POLR1E: variants seen among roughly 807,000 people sequenced by gnomAD.
POLR1E encodes RNA polymerase I subunit E, also known as DNA-directed RNA polymerase I subunit RPA49.
Under a neutral mutation model 50.9 loss-of-function variants are expected in POLR1E, and 37 were observed. The observed-to-expected ratio is 0.73, with a 90% confidence interval of 0.56 to 0.96. The LOEUF (loss-of-function observed/expected upper bound fraction) is 0.96. Ranked by LOEUF, POLR1E falls within the 40% of genes least tolerant of loss-of-function variation. POLR1E has a pLI of 0.00. For synonymous variants in POLR1E, 166 were observed against 191.6 expected (o/e 0.87, Z 1.10); for missense variants, 426 against 518.1 (o/e 0.82, Z 1.73).
At chr9:37,502,083 C>G (rs1820901583) in intron 11 of POLR1E, among the ~76,000 whole-genome samples, 1 of 152,168 alleles carries the variant, frequency 6.6e-6, no homozygotes, top group African/African-American at 2.4e-5. Context: ...CCCTAGAAAA[C>G]AATTGAAGAA....
At chr9:37,495,615 A>G (rs1283756982) in intron 7 of POLR1E, among the ~76,000 whole-genome samples, 1 of 152,160 alleles carries the variant, frequency 6.6e-6, no homozygotes, top group Non-Finnish European at 1.5e-5. Flanking sequence ...GAAGGGTTGG[A>G]GCTTAGAATT....
chr9:37,502,849 A>T (rs1224227386), intron 11 of POLR1E, among the ~76,000 whole-genome samples, 194 bp from the exon 12 acceptor site: 1 of 152,160 alleles, frequency 6.6e-6, no homozygotes, highest in Non-Finnish European at 1.5e-5. Context: ...TTAAAATGAA[A>T]TTGGCTGTCT....
Position 37,493,600 on chromosome 9 carries a change from G to A in POLR1E, c.444G>A (p.Lys148=). The A allele has an allele frequency of 6.2e-7, 1 of 1,610,352 alleles. No individual in the cohort carries two copies. The highest frequency in any genetic ancestry group is 8.5e-7 in the Non-Finnish European group (1 of 1,178,032). Reference sequence around the variant, plus strand: ...AAGCCTTTGGTACCACCAAACAGAAGCGAGCTCTGAACACCAGGAGAATGA... The same window carrying A: ...AAGCCTTTGGTACCACCAAACAGAAACGAGCTCTGAACACCAGGAGAATGA... ...CIEAFGTTKQ[K]RALNTRRMNR... Residue 148 remains lysine (K), a synonymous_variant, in exon 6 of 12, where the codon AAG becomes AAA. Coordinates refer to ENST00000377798, the MANE Select transcript of POLR1E (RefSeq NM_022490.4).
intron 9 of POLR1E, 78 bp from the exon 10 acceptor site, chr9:37,500,762 C>T: frequency 8.4e-7 from 1 of 1,185,392 alleles, no homozygotes; most frequent in Admixed American, 1.8e-5. Context: ...CAGCTGTTGG[C>T]CTTTTCTCTT....
In POLR1E at chr9:37,503,445, G is replaced by C. The variant is rs140462678; in HGVS notation, c.*243G>C. On this transcript the variant is annotated 3_prime_UTR_variant, in exon 12 of 12. Coordinates refer to ENST00000377798, the MANE Select transcript of POLR1E (RefSeq NM_022490.4). ...AAAAAAAAAAGAGTCAGGCCTGGTG[G>C]TGTGCGCCTGTAATCCCAGCTACTC... The C allele has an allele frequency of 2.4e-3, 792 of 335,084 alleles. 12 individuals are homozygous for C. The East Asian group carries it at 0.04, about 17-fold the overall frequency. 20.8% of individuals were successfully genotyped at this position (335,084 alleles called of 1,614,324 possible).
intron 3 of POLR1E, 33 bp downstream of exon 3, chr9:37,487,972 G>A (rs1338574860): frequency 1.9e-6 from 3 of 1,607,108 alleles, no homozygotes; most frequent in African/African-American, 1.3e-5. Flanking sequence ...TGGGAAGGGT[G>A]ATGGGGTTGG....
chr9:37,486,928 A>G, intron 2 of POLR1E, 122 bp downstream of exon 2: 1 of 1,139,372 alleles, frequency 8.8e-7, no homozygotes, highest in Non-Finnish European at 1.2e-6. Flanking sequence ...AGCTTTGAAG[A>G]ACTCTGATGC....
chr9:37,493,466 C>A, intron 5 of POLR1E, 93 bp from the exon 6 acceptor site: 3 of 1,164,578 alleles, frequency 2.6e-6, no homozygotes, highest in Non-Finnish European at 3.5e-6. Flanking sequence ...AGTGATCACT[C>A]TGGGATGCTG....
intron 6 of POLR1E, among the ~76,000 whole-genome samples, 194 bp downstream of exon 6, chr9:37,493,897 T>G (rs921775298): frequency 6.6e-6 from 1 of 152,168 alleles, no homozygotes; most frequent in Non-Finnish European, 1.5e-5. Context: ...CTTCTAGTGA[T>G]CCACAGTCAA....
chr9:37,486,514 C>G, intron 1 of POLR1E, 189 bp from the exon 2 acceptor site: 1 of 1,557,658 alleles, frequency 6.4e-7, no homozygotes. Context: ...CCAGGGTTCT[C>G]CCACCTCCCT....
chr9:37,490,575 T>G (rs1159510365), intron 4 of POLR1E: 11 of 717,192 alleles, frequency 1.5e-5, no homozygotes, highest in Non-Finnish European at 2.6e-5. Flanking sequence ...ATCATCTTTC[T>G]TCACCCGTTT....
At position 37,501,742 on chromosome 9, in the gene POLR1E, A is replaced by G. The variant is rs376766675; in HGVS notation, c.998A>G (p.Lys333Arg). 7 of 1,611,970 alleles carry G rather than the reference A, an allele frequency of 4.3e-6. No homozygotes were observed. The highest frequency in any genetic ancestry group is 4.0e-5 in the African/African-American group (3 of 74,864). The stretch of plus-strand genomic sequence containing the variant: ...CGGAACTTAATTTCGGATTCTATGA[A>G]GGCGAAGATTACTGCATATGTGATC... Reference protein sequence around the residue: ...RLRNLISDSMKAKITAYVIIL... With the variant: ...RLRNLISDSMRAKITAYVIIL... The change falls in exon 11 of 12, where the codon AAG becomes AGG. Residue 333 changes from lysine (K) to arginine (R), a missense_variant. Coordinates refer to ENST00000377798, the MANE Select transcript of POLR1E (RefSeq NM_022490.4).
chr9:37,486,281 C>A, intron 1 of POLR1E, 158 bp downstream of exon 1: 1 of 1,275,372 alleles, frequency 7.8e-7, no homozygotes, highest in Non-Finnish European at 1.1e-6. Flanking sequence ...GCTCCCCTGT[C>A]CGTCTTTCTG....
intron 7 of POLR1E, among the ~76,000 whole-genome samples, chr9:37,495,571 G>A (rs1034968208): frequency 7.2e-5 from 11 of 152,178 alleles, no homozygotes; most frequent in African/African-American, 2.4e-4. Flanking sequence ...CCAGCCAAAT[G>A]CCCAAAGTCT....
intron 6 of POLR1E, 89 bp from the exon 7 acceptor site, chr9:37,495,080 A>G (rs771708394): frequency 8.1e-6 from 9 of 1,112,436 alleles, no homozygotes; most frequent in Admixed American, 1.7e-5. Context: ...TTTCTGGACC[A>G]TTGGTGGTCT....
Position 37,495,164 on chromosome 9 carries a change from A to G in POLR1E, c.548-5A>G, listed in dbSNP as rs1434912607. On this transcript the variant is annotated splice_polypyrimidine_tract_variant and splice_region_variant and intron_variant, in intron 6 of 11. Coordinates refer to ENST00000377798, the MANE Select transcript of POLR1E (RefSeq NM_022490.4). ...TGATACATGGATTGTTTCTTTATTG[A>G]AAAGCTCTGGTCAGCGATGCTATCC... 3.1e-6 allele frequency: 5 copies of G among 1,611,466 alleles called. No individual in the cohort carries two copies. Among genetic ancestry groups the G allele is most frequent in the African/African-American group, 1.3e-5 (1 of 74,856 alleles).
At chr9:37,495,539 G>A (rs1365350994) in intron 7 of POLR1E, among the ~76,000 whole-genome samples, 2 of 152,174 alleles carry the variant, frequency 1.3e-5, no homozygotes, top group Non-Finnish European at 2.9e-5. Flanking sequence ...ACTCTCCATG[G>A]AGAGTCAAAA....
intron 5 of POLR1E, among the ~76,000 whole-genome samples, chr9:37,493,244 G>A (rs1260389334): frequency 6.6e-6 from 1 of 152,170 alleles, no homozygotes; most frequent in African/African-American, 2.4e-5. Context: ...TAAGATGGGA[G>A]AATTACCATT....
At chr9:37,489,045 C>T (rs1820629478) in intron 3 of POLR1E, among the ~76,000 whole-genome samples, 1 of 152,038 alleles carries the variant, frequency 6.6e-6, no homozygotes, top group Admixed American at 6.6e-5. Flanking sequence ...TCGAGACCAG[C>T]CTGGACAACA....
Sources: allele counts gnomAD v4.1 joint callset (sites outside exome capture counted in the v4.1 genomes callset), GRCh38; gene constraint gnomAD v4.1.1; transcripts MANE v1.5; gene names NCBI Gene and HGNC (gene_info 2026-07-23, HGNC 2026-07-21).